Variants in C3orf85 observed in about 807,000 individuals in gnomAD.
C3orf85 encodes the protein chromosome 3 open reading frame 85.
C3orf85 carries 1 observed loss-of-function variant against 1.7 expected under a neutral mutation model. The ratio of observed to expected loss-of-function variants is 0.60; its 90% confidence interval spans 0.21 to 2.86. C3orf85 has a LOEUF of 2.86. Ranked by LOEUF, C3orf85 falls within the 30% of genes most tolerant of loss-of-function variation. The pLI is 0.22. For missense variants in C3orf85, 29 were observed against 21.3 expected, an observed-to-expected ratio of 1.36 and a Z score of -0.72; for synonymous variants, 17 against 8.0, an observed-to-expected ratio of 2.13 and a Z score of -1.90.
chr3:109,143,198 G>A (rs1706760340), intron 2 of C3orf85, among the ~76,000 whole-genome samples: 1 of 152,180 alleles, frequency 6.6e-6, no homozygotes, highest in South Asian at 2.1e-4. Context: ...AAATCTGCCA[G>A]CAGACTCTGT....
At chr3:109,139,794 A>T (rs1280761919) in intron 2 of C3orf85, among the ~76,000 whole-genome samples, 1 of 152,174 alleles carries the variant, frequency 6.6e-6, no homozygotes, top group Non-Finnish European at 1.5e-5. Context: ...CTGGTTTTAG[A>T]CAGGGAGAAT....
intron 3 of C3orf85, 127 bp downstream of exon 3, chr3:109,148,513 T>C (rs1706826149): frequency 1.6e-6 from 1 of 629,476 alleles, no homozygotes; most frequent in African/African-American, 1.8e-5. Context: ...CTCTGAACTA[T>C]ATCTGCTTTT....
In C3orf85 at chr3:109,150,083, C is replaced by A; in HGVS notation, c.*189C>A. On this transcript the variant is annotated 3_prime_UTR_variant, in exon 4 of 4. Coordinates refer to ENST00000622536, the MANE Select transcript of C3orf85 (RefSeq NM_001351622.2). Reference sequence around the variant, plus strand: ...ATGTAGGAAACTGGAATAAGACATTCTCAATAAATGGTAGTTCTCAAAAAA... The same window carrying A: ...ATGTAGGAAACTGGAATAAGACATTATCAATAAATGGTAGTTCTCAAAAAA... 2 of 344,308 alleles carry A rather than the reference C, an allele frequency of 5.8e-6. No individual in the cohort carries two copies. The highest frequency in any genetic ancestry group is 4.8e-5 in the Admixed American group (1 of 20,906). The allele number at this position is 344,308 out of a possible 1,614,324, so 21.3% of individuals were successfully genotyped here. A position where few individuals can be genotyped will look rare whatever the true frequency, so the allele number is the denominator to read the frequency against.
At position 109,149,986 on chromosome 3, in the gene C3orf85, T is replaced by C; in HGVS notation, c.*92T>C. ...CATGGGTTTTAGAGATCTGAGGGTA[T>C]ATCCATGCTGTTTACTACATTATTT... On this transcript the variant is annotated 3_prime_UTR_variant, in exon 4 of 4. Coordinates refer to ENST00000622536, the MANE Select transcript of C3orf85 (RefSeq NM_001351622.2). 2.5e-6 allele frequency: 1 copy of C among 394,584 alleles called. No homozygotes were observed. The highest frequency in any genetic ancestry group is 4.5e-6 in the Non-Finnish European group (1 of 223,310). 24.4% of individuals were successfully genotyped at this position (394,584 alleles called of 1,614,324 possible).
chr3:109,149,759 G>A, intron 3 of C3orf85, 46 bp from the exon 4 acceptor site: 1 of 398,078 alleles, frequency 2.5e-6, no homozygotes, highest in Non-Finnish European at 4.4e-6. Flanking sequence ...TGCAAGATGT[G>A]TTCTACACAC....
At position 109,137,637 on chromosome 3, in the gene C3orf85, GTATATATATATA is replaced by G. The variant is rs1553767249; in HGVS notation, c.49+762_49+773del. ...TGTATATATGTGTGTGTGTGTGTGT[GTATATATATATA>G]TATATATATATATATATATAAAATA... is the stretch of plus-strand genomic sequence containing the variant. On this transcript the variant is annotated intron_variant, in intron 2 of 3. Coordinates refer to ENST00000622536, the MANE Select transcript of C3orf85 (RefSeq NM_001351622.2). 1.1e-3 allele frequency among the ~76,000 whole-genome samples: 91 copies of G among 79,908 alleles called. 2 individuals are homozygous for G. The East Asian group carries it at 0.032, about 28-fold the overall frequency. 52.4% of individuals were successfully genotyped at this position (79,908 alleles called of 152,430 possible).
At chr3:109,147,706 T>C (rs1706815652) in intron 2 of C3orf85, among the ~76,000 whole-genome samples, 1 of 152,192 alleles carries the variant, frequency 6.6e-6, no homozygotes, top group East Asian at 1.9e-4. Context: ...ATGCCAACAA[T>C]TGATCAATGC....
chr3:109,143,232 A>C (rs553146047), intron 2 of C3orf85, among the ~76,000 whole-genome samples: 1 of 152,118 alleles, frequency 6.6e-6, no homozygotes, highest in East Asian at 1.9e-4. Flanking sequence ...ATCTTATTTT[A>C]CCTTAGGCTT....
rs1012746079 is a variant in C3orf85 at position 109,150,993 on chromosome 3, G to A, written c.*1099G>A. On this transcript the variant is annotated 3_prime_UTR_variant, in exon 4 of 4. Coordinates refer to ENST00000622536, the MANE Select transcript of C3orf85 (RefSeq NM_001351622.2). ...GGCCTCAGCAATTTCTTCTCCAAAA[G>A]GACACTGACAGCTGCTCAGTGTTTC... Among the ~76,000 whole-genome samples the A allele has an allele frequency of 2.0e-5, 3 of 152,116 alleles. No homozygotes were observed. Among genetic ancestry groups the A allele is most frequent in the Admixed American group, 6.5e-5 (1 of 15,270 alleles).
intron 2 of C3orf85, among the ~76,000 whole-genome samples, chr3:109,141,498 C>T (rs559468170): frequency 6.6e-6 from 1 of 152,146 alleles, no homozygotes; most frequent in South Asian, 2.1e-4. Flanking sequence ...CTCTCTCCAT[C>T]TCTTTTCTTC....
intron 3 of C3orf85, chr3:109,149,538 A>G (rs1192721540): frequency 3.8e-6 from 1 of 263,574 alleles, no homozygotes; most frequent in Non-Finnish European, 7.1e-6. Flanking sequence ...CTACTTGTAG[A>G]CCAGATTTGT....
Position 109,142,444 on chromosome 3 carries a change from G to A in C3orf85, c.49+5548G>A, listed in dbSNP as rs149295564. On this transcript the variant is annotated intron_variant, in intron 2 of 3. Transcript: ENST00000622536. ...ATATCTTTGAACTTTAAGCAAGCCTGCACTGCTTACTCTCCATCTCTAGTA... is the reference window on the plus strand; with the variant it reads ...ATATCTTTGAACTTTAAGCAAGCCTACACTGCTTACTCTCCATCTCTAGTA... Among the ~76,000 whole-genome samples, 750 of 152,244 alleles carry A rather than the reference G, an allele frequency of 4.9e-3. 2 individuals are homozygous for A. Among genetic ancestry groups the A allele is most frequent in the African/African-American group, 0.017 (712 of 41,548 alleles).
chr3:109,137,646 T>C (rs1706694323), intron 2 of C3orf85, among the ~76,000 whole-genome samples: 1 of 140,776 alleles, frequency 7.1e-6, no homozygotes, highest in Non-Finnish European at 1.6e-5. Context: ...TGTATATATA[T>C]ATATATATAT....
rs960054671 is a variant in C3orf85 at position 109,149,942 on chromosome 3, A to G, written c.*48A>G. On this transcript the variant is annotated 3_prime_UTR_variant, in exon 4 of 4. Transcript: ENST00000622536. ...GGAGGATGAAGATGGCAGAGGTTGGAATGGCATTGTGCCAAAACCATGGGT... is the reference window on the plus strand; with the variant it reads ...GGAGGATGAAGATGGCAGAGGTTGGGATGGCATTGTGCCAAAACCATGGGT... 3 of 397,584 alleles carry G rather than the reference A, an allele frequency of 7.5e-6. No homozygotes were observed. Among genetic ancestry groups the G allele is most frequent in the Non-Finnish European group, 8.9e-6 (2 of 225,100 alleles). The allele number at this position is 397,584 out of a possible 1,614,324, so 24.6% of individuals were successfully genotyped here. A position where few individuals can be genotyped will look rare whatever the true frequency, so the allele number is the denominator to read the frequency against.
At chr3:109,139,488 A>G (rs1374773413) in intron 2 of C3orf85, among the ~76,000 whole-genome samples, 1 of 152,218 alleles carries the variant, frequency 6.6e-6, no homozygotes, top group Non-Finnish European at 1.5e-5. Flanking sequence ...TACAAAGGAA[A>G]TATGGAAATA....
Position 109,149,825 on chromosome 3 carries a change from T to C in C3orf85, c.204T>C (p.Ala68=), listed in dbSNP as rs1242959598. 7.5e-6 allele frequency: 3 copies of C among 398,460 alleles called. No homozygotes were observed. Among genetic ancestry groups the C allele is most frequent in the Non-Finnish European group, 1.3e-5 (3 of 225,676 alleles). The allele number at this position is 398,460 out of a possible 1,614,324, so 24.7% of individuals were successfully genotyped here. The change falls in exon 4 of 4, where the codon GCT becomes GCC. Residue 68 remains alanine, a synonymous_variant. Coordinates refer to ENST00000622536, the MANE Select transcript of C3orf85 (RefSeq NM_001351622.2). ...TGAAGGCTCGTGAAACATGGATTGC[T>C]TTGAAAACAACAGCACAGTATTATT... ...LAKQARETWI[A]LKTTAQYYLD... is the part of the protein sequence containing the mutation.
At position 109,144,814 on chromosome 3, in the gene C3orf85, C is replaced by A. The variant is rs183618411; in HGVS notation, c.50-3439C>A. ...TATCCTAAGCATCATTTACTTAGACCTATTTATTGTTTACTGATGGAATTG... is the reference window on the plus strand; with the variant it reads ...TATCCTAAGCATCATTTACTTAGACATATTTATTGTTTACTGATGGAATTG... On this transcript the variant is annotated intron_variant, in intron 2 of 3. Transcript: ENST00000622536. 8.5e-5 allele frequency among the ~76,000 whole-genome samples: 13 copies of A among 152,160 alleles called. No individual in the cohort carries two copies. In the East Asian group the frequency reaches 2.3e-3, roughly 27 times the overall value.
At chr3:109,146,597 A>G (rs1559970118) in intron 2 of C3orf85, among the ~76,000 whole-genome samples, 1 of 152,120 alleles carries the variant, frequency 6.6e-6, no homozygotes, top group Non-Finnish European at 1.5e-5. Context: ...TTACCTGGCT[A>G]TTAGTGGGAG....
chr3:109,144,707 G>C (rs1392294772), intron 2 of C3orf85, among the ~76,000 whole-genome samples: 1 of 152,100 alleles, frequency 6.6e-6, no homozygotes, highest in Non-Finnish European at 1.5e-5. Flanking sequence ...CTATGGTACA[G>C]AATTCTGGTT....
Sources: allele counts gnomAD v4.1 joint callset (sites outside exome capture counted in the v4.1 genomes callset), GRCh38; gene constraint gnomAD v4.1.1; transcripts MANE v1.5; gene names NCBI Gene and HGNC (gene_info 2026-07-23, HGNC 2026-07-21).